Variants in KCNN1 observed in about 807,000 individuals in gnomAD.
KCNN1 encodes small conductance calcium-activated potassium channel protein 1.
Under a neutral mutation model 44.7 loss-of-function variants are expected in KCNN1, and 20 were observed. The observed-to-expected ratio is 0.45, with a 90% CI of 0.32 to 0.65. The LOEUF (loss-of-function observed/expected upper bound fraction) is 0.65, where lower values mean the gene tolerates loss of function less well. KCNN1 is among the 30% of genes least tolerant of loss of function. The pLI, the probability that KCNN1 is intolerant of heterozygous loss-of-function variation, is 0.05. For missense variants in KCNN1, 632 were observed against 785.3 expected (o/e 0.80, Z 2.33); for synonymous variants, 324 against 341.7 (o/e 0.95, Z 0.57).
intron 9 of KCNN1, among the ~76,000 whole-genome samples, chr19:17,994,044 A>G (rs754806457): frequency 1.2e-4 from 18 of 152,274 alleles, no homozygotes; most frequent in Middle Eastern, 3.4e-3. Context: ...GAAGAGAAAA[A>G]ATTCCTTTGC....
Position 18,000,006 on chromosome 19 carries a change from A to T in KCNN1, c.*1600A>T, listed in dbSNP as rs1488791052. On this transcript the variant is annotated 3_prime_UTR_variant, in exon 10 of 10. Coordinates refer to ENST00000684775, the MANE Select transcript of KCNN1 (RefSeq NM_001386974.1). The stretch of plus-strand genomic sequence containing the variant: ...TGTAAAATGGGGTGACAGTCTATTT[A>T]ACCAGAACTCCCTAAAAAGGGCCAG... 2 of 455,854 alleles carry T rather than the reference A, an allele frequency of 4.4e-6. No homozygotes were observed. The highest frequency in any genetic ancestry group is 3.1e-5 in the South Asian group (2 of 64,562). 28.2% of individuals were successfully genotyped at this position (455,854 alleles called of 1,614,324 possible).
At chr19:17,966,018 TGCCTG>T (rs1568447006), upstream of KCNN1, among the ~76,000 whole-genome samples, 6 of 120,284 alleles carry the variant, frequency 5.0e-5, no homozygotes, top group South Asian at 2.6e-4. Context: ...CCTGCCTGCC[TGCCTG>T]CCTTCCTTCC....
At chr19:17,996,914 C>T (rs1280968188) in intron 9 of KCNN1, among the ~76,000 whole-genome samples, 1 of 152,228 alleles carries the variant, frequency 6.6e-6, no homozygotes, top group Non-Finnish European at 1.5e-5. Context: ...CCTGTCCTGT[C>T]TTCCTTCCAC....
rs1255863775 is a variant in KCNN1 at position 17,999,697 on chromosome 19, T to C, written c.*1291T>C. 7 of 269,830 alleles carry C rather than the reference T, an allele frequency of 2.6e-5. No homozygotes were observed. Among genetic ancestry groups the C allele is most frequent in the African/African-American group, 1.3e-4 (6 of 45,476 alleles). 16.7% of individuals were successfully genotyped at this position (269,830 alleles called of 1,614,324 possible). On this transcript the variant is annotated 3_prime_UTR_variant, in exon 10 of 10. Transcript: ENST00000684775. ...GTGCTGGGAGCAACAGGCATTTACT[T>C]GGCAGATGCTGAGCCCTGGGTGGGG...
Position 17,973,851 on chromosome 19 carries a change from C to T in KCNN1, c.-38C>T, listed in dbSNP as rs1207338638. On this transcript the variant is annotated 5_prime_UTR_variant, in exon 2 of 10. Coordinates refer to ENST00000684775, the MANE Select transcript of KCNN1 (RefSeq NM_001386974.1). ...CCGCTGAGCCATGCCGGGCCCCGGG[C>T]GGCCTGCAGCGAGCCCAACCCCTGC... 5.2e-6 allele frequency: 8 copies of T among 1,541,350 alleles called. No homozygotes were observed. The East Asian group carries it at 9.8e-5, about 19-fold the overall frequency.
In KCNN1 at chr19:17,982,020, G is replaced by A. The variant is rs374014650; in HGVS notation, c.810G>A (p.Thr270=). Residue 270 remains threonine, a synonymous_variant, in exon 4 of 10, where the codon ACG becomes ACA. Coordinates refer to ENST00000684775, the MANE Select transcript of KCNN1 (RefSeq NM_001386974.1). The part of the protein sequence containing the change: ...IGALNKITFN[T]RFVMKTLMTI... ...CCCTCAACAAGATCACCTTCAACAC[G>A]CGCTTCGTCATGAAGACACTCATGA... 3.7e-6 allele frequency: 6 copies of A among 1,609,922 alleles called. No homozygotes were observed. The highest frequency in any genetic ancestry group is 1.3e-5 in the African/African-American group (1 of 74,786).
chr19:17,958,253 T>C (rs2031590341), intron 2 of KCNN1, among the ~76,000 whole-genome samples: 1 of 151,846 alleles, frequency 6.6e-6, no homozygotes, highest in African/African-American at 2.4e-5. Flanking sequence ...GGCCAAGGTA[T>C]GAGGATCACT....
At chr19:17,963,621 G>T (rs1198011569), upstream of KCNN1, among the ~76,000 whole-genome samples, 1 of 152,006 alleles carries the variant, frequency 6.6e-6, no homozygotes, top group Non-Finnish European at 1.5e-5. Flanking sequence ...CAGCTCAAAT[G>T]ATTTCTCTTC....
chr19:17,991,118 C>G lies in KCNN1; in HGVS notation c.1298+1275C>G, dbSNP rs201272537. Among the ~76,000 whole-genome samples, 4 of 151,408 alleles carry G rather than the reference C, an allele frequency of 2.6e-5. No homozygotes were observed. In the East Asian group the frequency reaches 7.7e-4, roughly 29 times the overall value. ...CTGATTGAGGCCAAGATTTGGAAACCAGCCTGGGAAACATAGTGAGACCCC... is the reference window on the plus strand; with the variant it reads ...CTGATTGAGGCCAAGATTTGGAAACGAGCCTGGGAAACATAGTGAGACCCC... On this transcript the variant is annotated intron_variant, in intron 7 of 9. Transcript: ENST00000684775.
At chr19:17,965,170 G>A (rs941124137), upstream of KCNN1, among the ~76,000 whole-genome samples, 1 of 151,910 alleles carries the variant, frequency 6.6e-6, no homozygotes, top group Non-Finnish European at 1.5e-5. Flanking sequence ...GAAGGCGGAG[G>A]CATGAGAATT....
Position 17,969,755 on chromosome 19 carries a change from G to A in KCNN1, c.-82+2438G>A, listed in dbSNP as rs147156631. 2.1e-3 allele frequency among the ~76,000 whole-genome samples: 324 copies of A among 152,348 alleles called. 2 individuals are homozygous for A. Among genetic ancestry groups the A allele is most frequent in the African/African-American group, 7.4e-3 (306 of 41,590 alleles). On this transcript the variant is annotated intron_variant, in intron 1 of 9. Transcript: ENST00000684775. ...CTGGGTTCTGTCTGCCAGGCCACCC[G>A]CTTCTCATCCCTGTGCCCCCCATCC...
At chr19:17,964,576 T>C (rs975318123), upstream of KCNN1, among the ~76,000 whole-genome samples, 2 of 152,240 alleles carry the variant, frequency 1.3e-5, no homozygotes, top group African/African-American at 4.8e-5. This position sits in a 1 kb window ranked among gnomAD's most constrained non-coding sequence, Gnocchi z 4.3. Context: ...TGCAGGCTTC[T>C]TGGGTCTCTT....
intron 6 of KCNN1, among the ~76,000 whole-genome samples, chr19:17,989,219 A>T (rs1158238013): frequency 1.3e-5 from 2 of 152,166 alleles, no homozygotes; most frequent in African/African-American, 4.8e-5. Flanking sequence ...GCACTTTAGG[A>T]GGCCGAGGCG....
At chr19:17,970,722 G>A (rs991497671) in intron 1 of KCNN1, among the ~76,000 whole-genome samples, 3 of 151,338 alleles carry the variant, frequency 2.0e-5, no homozygotes, top group Non-Finnish European at 2.9e-5. Context: ...TACCGCGCCC[G>A]GCCACAAAGA....
chr19:17,998,237 G>A lies in KCNN1; in HGVS notation c.1463G>A (p.Arg488His), dbSNP rs977968859. ...GCCCGCCTGGCCACCCTGGAAAGCC[G>A]CTTGGATGCGCTGGGTGCCTCTCTA... is the stretch of plus-strand genomic sequence containing the variant. The part of the protein sequence containing the change: ...LEARLATLES[R>H]LDALGASLQA... The change falls in exon 10 of 10, where the codon CGC (arginine) becomes CAC (histidine). Residue 488 changes from arginine to histidine, a missense_variant. Coordinates refer to ENST00000684775, the MANE Select transcript of KCNN1 (RefSeq NM_001386974.1). The surrounding 1 kb of genome is among the most constrained non-coding windows in gnomAD (Gnocchi z 5.4). 14 of 1,573,560 alleles carry A rather than the reference G, an allele frequency of 8.9e-6. No homozygotes were observed. Among genetic ancestry groups the A allele is most frequent in the South Asian group, 1.2e-5 (1 of 86,170 alleles).
At chr19:17,964,278 G>T (rs1017958579), upstream of KCNN1, among the ~76,000 whole-genome samples, 3 of 152,242 alleles carry the variant, frequency 2.0e-5, no homozygotes, top group Non-Finnish European at 4.4e-5. The surrounding 1 kb of genome is among the most constrained non-coding windows in gnomAD (Gnocchi z 4.3). Context: ...CTGTGGAGGG[G>T]TGCTGGGGAT....
rs2145974476 is a variant in KCNN1 at position 17,993,546 on chromosome 19, C to G, written c.1364C>G (p.Thr455Ser). ...GKLNDQANTL[T>S]DLAKTQTVMY... ...CTGAACGACCAGGCTAACACGCTTA[C>G]CGACCTAGCCAAGGTGAGTGGGTTG... is the stretch of plus-strand genomic sequence containing the variant. Residue 455 changes from threonine to serine, a missense_variant, in exon 9 of 10, where the codon ACC becomes AGC. Coordinates refer to ENST00000684775, the MANE Select transcript of KCNN1 (RefSeq NM_001386974.1). The surrounding 1 kb of genome is among the most constrained non-coding windows in gnomAD (Gnocchi z 4.5). The G allele has an allele frequency of 6.2e-7, 1 of 1,613,874 alleles. No homozygotes were observed. Among genetic ancestry groups the G allele is most frequent in the Non-Finnish European group, 8.5e-7 (1 of 1,179,834 alleles).
chr19:17,957,666 G>T (rs1190209750), intron 2 of KCNN1, among the ~76,000 whole-genome samples: 1 of 152,140 alleles, frequency 6.6e-6, no homozygotes, highest in Non-Finnish European at 1.5e-5. Context: ...GGAGAGAGGA[G>T]GAAGATGAAG....
upstream of KCNN1, among the ~76,000 whole-genome samples, chr19:17,962,654 C>A (rs1452330137): frequency 2.6e-5 from 4 of 152,106 alleles, no homozygotes; most frequent in African/African-American, 9.7e-5. Context: ...TCCCACTCCG[C>A]TTCCTGCCCC....
Sources: allele counts gnomAD v4.1 joint callset (sites outside exome capture counted in the v4.1 genomes callset), GRCh38; gene constraint gnomAD v4.1.1; non-coding constraint Gnocchi (gnomAD v3.1); transcripts MANE v1.5; gene names NCBI Gene and HGNC (gene_info 2026-07-23, HGNC 2026-07-21).